The following LGR6 variants were observed in gnomAD, a reference collection of about 807,000 sequenced individuals.
The protein encoded by LGR6 is leucine rich repeat containing G protein-coupled receptor 6, also known as leucine-rich repeat-containing G protein-coupled receptor 6.
A neutral mutation model predicts 69.4 loss-of-function variants in LGR6; 45 were observed. The observed-to-expected ratio is 0.65, with a 90% CI of 0.51 to 0.83. The LOEUF (loss-of-function observed/expected upper bound fraction) is 0.83. Ranked by LOEUF, LGR6 falls within the 40% of genes least tolerant of loss-of-function variation. The pLI, the probability that LGR6 is intolerant of heterozygous loss-of-function variation, is 0.00. For missense variants in LGR6, 1,108 were observed against 1,246.7 expected, an observed-to-expected ratio of 0.89 and a Z score of 1.68; for synonymous variants, 538 against 555.0, an observed-to-expected ratio of 0.97 and a Z score of 0.43.
In LGR6 at chr1:202,194,034, G is replaced by A. The variant is rs1371110184; in HGVS notation, c.45G>A (p.Ala15=). The change falls in exon 1 of 18, where the codon GCG becomes GCA. Residue 15 remains alanine (A), a synonymous_variant. Coordinates refer to ENST00000367278, the MANE Select transcript of LGR6 (RefSeq NM_001017403.2). ...TCCGGGCGCTATGGCTTTGCGCCGC[G>A]CTGTGCGCTTCCCGGAGGGCCGGCG... ...PGLRALWLCA[A]LCASRRAGGA... is the part of the protein sequence containing the mutation. 3.6e-6 allele frequency: 5 copies of A among 1,389,788 alleles called. No homozygotes were observed. The highest frequency in any genetic ancestry group is 3.4e-5 in the Admixed American group (1 of 29,402). 86.1% of individuals were successfully genotyped at this position (1,389,788 alleles called of 1,614,324 possible). A position where few individuals can be genotyped will look rare whatever the true frequency, so the allele number is the denominator to read the frequency against.
At chr1:202,270,348 T>C (rs1664991931) in intron 4 of LGR6, among the ~76,000 whole-genome samples, 1 of 152,144 alleles carries the variant, frequency 6.6e-6, no homozygotes, top group Non-Finnish European at 1.5e-5. Context: ...GTTCAAGTGA[T>C]TCTCCTACCG....
In LGR6 at chr1:202,309,164, T is replaced by A. The variant is rs764640531; in HGVS notation, c.1394T>A (p.Phe465Tyr). 1 of 1,614,064 alleles carries A rather than the reference T, an allele frequency of 6.2e-7. No individual in the cohort carries two copies. Among genetic ancestry groups the A allele is most frequent in the South Asian group, 1.1e-5 (1 of 91,076 alleles). ...TCCCAGGCCTTCTCCAAGGACAGTT[T>A]CCCAAAACTGAGGTGAGGGACTGGC... ...ALSQAFSKDS[F>Y]PKLRILEVPY... Residue 465 changes from phenylalanine (F) to tyrosine (Y), a missense_variant, in exon 15 of 18, where the codon TTC becomes TAC. By Grantham distance (22) the Phe-to-Tyr change is conservative. Coordinates refer to ENST00000367278, the MANE Select transcript of LGR6 (RefSeq NM_001017403.2).
intron 16 of LGR6, among the ~76,000 whole-genome samples, chr1:202,311,343 C>T (rs182799978): frequency 7.2e-4 from 110 of 152,338 alleles, no homozygotes; most frequent in African/African-American, 2.5e-3. Context: ...CATACTGAGC[C>T]TCACTTTCCT....
intron 7 of LGR6, among the ~76,000 whole-genome samples, chr1:202,299,297 T>C (rs1242762418): frequency 1.3e-5 from 2 of 150,620 alleles, no homozygotes; most frequent in Non-Finnish European, 3.0e-5. Context: ...TGAGAAACTA[T>C]TGGAATTTCT....
At chr1:202,267,278 T>C (rs926177308) in intron 4 of LGR6, among the ~76,000 whole-genome samples, 4 of 152,118 alleles carry the variant, frequency 2.6e-5, no homozygotes, top group Non-Finnish European at 5.9e-5. Context: ...TGTAGGTCAA[T>C]GCCTGGCACC....
intron 1 of LGR6, among the ~76,000 whole-genome samples, chr1:202,202,287 T>C (rs1384723696): frequency 1.3e-5 from 2 of 152,134 alleles, no homozygotes; most frequent in Non-Finnish European, 2.9e-5. Flanking sequence ...AGGGCACACA[T>C]TTTAAAAACA....
chr1:202,208,171 C>T (rs150207067), intron 1 of LGR6, among the ~76,000 whole-genome samples: 2,085 of 152,284 alleles, frequency 0.014, 19 homozygotes, highest in Middle Eastern at 0.024. Context: ...TCGCAACCCT[C>T]CTGACTCCAG....
At chr1:202,276,553 G>A (rs768077804) in intron 5 of LGR6, 32 bp downstream of exon 5, 1 of 1,553,022 alleles carries the variant, frequency 6.4e-7, no homozygotes, top group South Asian at 1.1e-5. Context: ...ATCCCCAGTG[G>A]GGTCCTGCTG....
chr1:202,315,195 C>T (rs1279295352), intron 17 of LGR6, among the ~76,000 whole-genome samples: 1 of 152,202 alleles, frequency 6.6e-6, no homozygotes, highest in Non-Finnish European at 1.5e-5. Context: ...CCCCATTGCT[C>T]AGGGTGGCAC....
intron 1 of LGR6, among the ~76,000 whole-genome samples, chr1:202,200,540 G>T (rs1053483704): frequency 1.3e-5 from 2 of 152,212 alleles, no homozygotes; most frequent in African/African-American, 2.4e-5. Flanking sequence ...TTGGGAAGGT[G>T]CAGGAGATGG....
chr1:202,228,336 T>G (rs1306303579), intron 3 of LGR6, among the ~76,000 whole-genome samples: 1 of 152,212 alleles, frequency 6.6e-6, no homozygotes, highest in Non-Finnish European at 1.5e-5. Context: ...TCTCTCCCCA[T>G]GACCTCTAGC....
chr1:202,279,037 T>A (rs1665807470), intron 5 of LGR6, among the ~76,000 whole-genome samples: 1 of 152,040 alleles, frequency 6.6e-6, no homozygotes, highest in Non-Finnish European at 1.5e-5. Context: ...GGGGAGGGAA[T>A]TGGAGGCCTG....
In LGR6 at chr1:202,197,330, A is replaced by G. The variant is rs984115726; in HGVS notation, c.212+3129A>G. On this transcript the variant is annotated intron_variant, in intron 1 of 17. Coordinates refer to ENST00000367278, the MANE Select transcript of LGR6 (RefSeq NM_001017403.2). ...GCCTTGACACACATGTCCAAAAACT[A>G]TTACCACTTTTGGGCTCAATGCCAG... is the stretch of plus-strand genomic sequence containing the variant. 1.4e-5 allele frequency: 7 copies of G among 511,986 alleles called. No individual in the cohort carries two copies. The Admixed American group carries it at 1.5e-4, about 11-fold the overall frequency. 31.7% of individuals were successfully genotyped at this position (511,986 alleles called of 1,614,324 possible). A position where few individuals can be genotyped will look rare whatever the true frequency, so the allele number is the denominator to read the frequency against.
chr1:202,234,131 G>T (rs1226158048), intron 3 of LGR6, among the ~76,000 whole-genome samples: 2 of 152,260 alleles, frequency 1.3e-5, no homozygotes, highest in African/African-American at 4.8e-5. Flanking sequence ...GGAACACAGA[G>T]TTTGCATGGA....
chr1:202,280,827 G>T lies in LGR6; in HGVS notation c.691G>T (p.Glu231Ter), dbSNP rs546447981. 6.2e-7 allele frequency: 1 copy of T among 1,613,902 alleles called. No homozygotes were observed. Among genetic ancestry groups the T allele is most frequent in the African/African-American group, 1.3e-5 (1 of 74,908 alleles). Residue 231 changes from glutamate (E) to a stop codon, truncating the protein, a stop_gained, in exon 6 of 18, where the codon GAG becomes TAG. Transcript: ENST00000367278. LOFTEE classifies it high-confidence loss of function. ...CCAGCATCTGGGGACCCACAGCTTCGAGGGGCTGCACAATCTGGAGACACT... is the reference window on the plus strand; with the variant it reads ...CCAGCATCTGGGGACCCACAGCTTCTAGGGGCTGCACAATCTGGAGACACT... ...RIQHLGTHSF[E>*]GLHNLETLDL... is the part of the protein sequence containing the mutation.
At chr1:202,225,345 G>T (rs779227183) in intron 1 of LGR6, 78 bp from the exon 2 acceptor site, 28 of 1,345,504 alleles carry the variant, frequency 2.1e-5, no homozygotes, top group Middle Eastern at 3.7e-4. Flanking sequence ...GGTCCCTCGA[G>T]GGGGGTTGGC....
At chr1:202,208,610 G>A (rs935153404) in intron 1 of LGR6, among the ~76,000 whole-genome samples, 1 of 151,970 alleles carries the variant, frequency 6.6e-6, no homozygotes, top group Non-Finnish European at 1.5e-5. Context: ...TGTGCAGCCA[G>A]TGGAAAGAGG....
rs780287639 is a variant in LGR6 at position 202,318,034 on chromosome 1, C to G, written c.1731C>G (p.Leu577=). The G allele has an allele frequency of 1.2e-6, 2 of 1,614,174 alleles. No homozygotes were observed. The highest frequency in any genetic ancestry group is 1.7e-5 in the Admixed American group (1 of 60,030). Reference sequence around the variant, plus strand: ...GGGCCATCGTGTTGCTCTCCGTGCTCTGCAATGGACTGGTGCTGCTGACCG... The same window carrying G: ...GGGCCATCGTGTTGCTCTCCGTGCTGTGCAATGGACTGGTGCTGCTGACCG... ...AVWAIVLLSV[L]CNGLVLLTVF... is the part of the protein sequence containing the mutation. The change falls in exon 18 of 18, where the codon CTC becomes CTG. Residue 577 remains leucine (L), a synonymous_variant. Coordinates refer to ENST00000367278, the MANE Select transcript of LGR6 (RefSeq NM_001017403.2).
At chr1:202,311,821 G>T (rs1653748534) in intron 16 of LGR6, among the ~76,000 whole-genome samples, 1 of 152,198 alleles carries the variant, frequency 6.6e-6, no homozygotes, top group African/African-American at 2.4e-5. Context: ...TGCAACTGTG[G>T]AGTCCGGGGC....
Sources: allele counts gnomAD v4.1 joint callset (sites outside exome capture counted in the v4.1 genomes callset), GRCh38; gene constraint gnomAD v4.1.1; transcripts MANE v1.5; gene names NCBI Gene and HGNC (gene_info 2026-07-23, HGNC 2026-07-21).